Variants in RPSA2 observed in about 807,000 individuals in gnomAD.
RPSA2 encodes the protein small ribosomal subunit protein uS2B.
the RPSA2 span, among the ~76,000 whole-genome samples, chr19:23,842,345 G>T: frequency 6.6e-6 from 1 of 152,088 alleles, no homozygotes; most frequent in Non-Finnish European, 1.5e-5. Flanking sequence ...AATTACACTG[G>T]TTTTTTGGAT....
At chr19:23,841,903 C>A in the RPSA2 span, among the ~76,000 whole-genome samples, 1 of 152,212 alleles carries the variant, frequency 6.6e-6, no homozygotes, top group South Asian at 2.1e-4. Context: ...TTGACCACTG[C>A]ACATCCATTT....
chr19:23,843,446 A>G, the RPSA2 span, among the ~76,000 whole-genome samples: 1 of 152,160 alleles, frequency 6.6e-6, no homozygotes, highest in African/African-American at 2.4e-5. Context: ...GTCCCATACC[A>G]TTAAATTCTT....
At chr19:23,832,546 AC>A in the RPSA2 span, 51 of 813,502 alleles carry the variant, frequency 6.3e-5, 1 homozygote, top group Non-Finnish European at 8.5e-5. Flanking sequence ...CTGAAAAGAA[AC>A]CCTACAAATG....
the RPSA2 span, among the ~76,000 whole-genome samples, chr19:23,852,403 C>A: frequency 6.6e-6 from 1 of 152,186 alleles, no homozygotes; most frequent in Admixed American, 6.5e-5. Context: ...AGGGGTCTCA[C>A]AGCCTTCAGA....
At chr19:23,786,861 C>T in the RPSA2 span, among the ~76,000 whole-genome samples, 1 of 152,046 alleles carries the variant, frequency 6.6e-6, no homozygotes, top group African/African-American at 2.4e-5. Context: ...CTATAGGGGA[C>T]ATTGTGACAT....
the RPSA2 span, among the ~76,000 whole-genome samples, chr19:23,840,675 G>T: frequency 6.6e-6 from 1 of 152,052 alleles, no homozygotes; most frequent in Non-Finnish European, 1.5e-5. Context: ...TACAAAACAT[G>T]CGCTGGGCAC....
At chr19:23,779,870 A>G in the RPSA2 span, among the ~76,000 whole-genome samples, 2 of 152,146 alleles carry the variant, frequency 1.3e-5, no homozygotes, top group Admixed American at 6.5e-5. Context: ...AACTTTCAGG[A>G]GAAAATTGTA....
At chr19:23,810,445 GTT>G in the RPSA2 span, among the ~76,000 whole-genome samples, 125,762 of 128,044 alleles carry the variant, frequency 0.98, 61,865 homozygotes, top group Middle Eastern at 1. Flanking sequence ...GATAGTTGTA[GTT>G]TTCATTTTCA....
the RPSA2 span, among the ~76,000 whole-genome samples, chr19:23,845,695 G>C: frequency 6.6e-6 from 1 of 152,112 alleles, no homozygotes; most frequent in African/African-American, 2.4e-5. Context: ...GTTTTTGCAT[G>C]TTGCTCAGGC....
At chr19:23,831,958 G>T in the RPSA2 span, 1 of 365,566 alleles carries the variant, frequency 2.7e-6, no homozygotes, top group South Asian at 2.7e-5. Context: ...TTATACTAGA[G>T]AGAAGTCCTA....
the RPSA2 span, chr19:23,782,031 A>G: frequency 6.5e-6 from 1 of 153,718 alleles, no homozygotes; most frequent in South Asian, 2.0e-4. Flanking sequence ...ATTGTGACAT[A>G]TTGCTGGGTC....
the RPSA2 span, chr19:23,832,691 A>T: frequency 1.3e-6 from 2 of 1,504,206 alleles, no homozygotes; most frequent in Admixed American, 3.6e-5. Flanking sequence ...ACTGGTCATA[A>T]GAGGATGCAC....
the RPSA2 span, among the ~76,000 whole-genome samples, chr19:23,796,858 T>TG: frequency 1.9e-3 from 2 of 1,030 alleles, no homozygotes; most frequent in East Asian, 0.05. Flanking sequence ...TAGTGGTTTA[T>TG]TTATCTTATT....
chr19:23,856,346 A>G, the RPSA2 span, among the ~76,000 whole-genome samples: 1 of 152,134 alleles, frequency 6.6e-6, no homozygotes, highest in Non-Finnish European at 1.5e-5. Flanking sequence ...AAGCAAGGAC[A>G]GTGTTCTTCC....
At chr19:23,785,140 C>T in the RPSA2 span, among the ~76,000 whole-genome samples, 122 of 152,240 alleles carry the variant, frequency 8.0e-4, no homozygotes, top group African/African-American at 2.9e-3. Context: ...GACTCTTTTT[C>T]CAGCCTTGGT....
chr19:23,836,670 C>A, the RPSA2 span, among the ~76,000 whole-genome samples: 2 of 152,116 alleles, frequency 1.3e-5, no homozygotes, highest in Non-Finnish European at 2.9e-5. Flanking sequence ...GCATCCATGC[C>A]AACATCTACA....
At chr19:23,851,312 G>T in the RPSA2 span, among the ~76,000 whole-genome samples, 1 of 152,170 alleles carries the variant, frequency 6.6e-6, no homozygotes, top group Non-Finnish European at 1.5e-5. Context: ...CTCTTTCCAG[G>T]TGAGAGCAAA....
the RPSA2 span, among the ~76,000 whole-genome samples, chr19:23,794,278 C>T: frequency 6.6e-6 from 1 of 152,174 alleles, no homozygotes; most frequent in Non-Finnish European, 1.5e-5. Flanking sequence ...AATTACCACA[C>T]TGCTTTTTAC....
the RPSA2 span, among the ~76,000 whole-genome samples, chr19:23,771,292 G>T: frequency 3.3e-5 from 5 of 152,134 alleles, no homozygotes; most frequent in African/African-American, 1.2e-4. Context: ...TCCATAGAGA[G>T]GTCAGTGTCT....
Sources: gnomAD v4.1 joint callset for allele counts (sites outside exome capture counted in the v4.1 genomes callset) on GRCh38, gnomAD v4.1.1 for gene constraint, MANE v1.5 for transcripts, NCBI Gene and HGNC (gene_info 2026-07-23, HGNC 2026-07-21) for gene names.